SCAPER: variants seen among roughly 807,000 people sequenced by gnomAD.
The protein encoded by SCAPER is S-phase cyclin A associated protein in the ER, also known as S phase cyclin A-associated protein in the endoplasmic reticulum.
Under a neutral mutation model 182.2 loss-of-function variants are expected in SCAPER, and 98 were observed. The observed-to-expected ratio is 0.54, with a 90% CI of 0.46 to 0.64. The LOEUF is 0.64. SCAPER is among the 30% of genes least tolerant of loss of function. SCAPER has a pLI of 0.00. For synonymous variants in SCAPER, 605 were observed against 564.6 expected (o/e 1.07, Z -1.01); for missense variants, 1,432 against 1,690.0 (o/e 0.85, Z 2.68).
chr15:76,683,876 G>A (rs1421284495), intron 20 of SCAPER, among the ~76,000 whole-genome samples: 1 of 152,114 alleles, frequency 6.6e-6, no homozygotes, highest in East Asian at 1.9e-4. Context: ...GAGGCAGGAG[G>A]ACTGACTGAG....
At position 76,733,390 on chromosome 15, in the gene SCAPER, A is replaced by C. The variant is rs566446208; in HGVS notation, c.1867-6T>G. On this transcript the variant is annotated splice_polypyrimidine_tract_variant and splice_region_variant and intron_variant, in intron 15 of 31. Coordinates refer to ENST00000563290, the MANE Select transcript of SCAPER (RefSeq NM_020843.4). Reference sequence around the variant, plus strand: ...ATAAAGGCAATTTCATTTACCTTTAAAAAAACAAAGAAGGTAAGGTTCAGA... The same window carrying C: ...ATAAAGGCAATTTCATTTACCTTTACAAAAACAAAGAAGGTAAGGTTCAGA... 1.2e-6 allele frequency: 2 copies of C among 1,610,544 alleles called. No individual in the cohort carries two copies. Among genetic ancestry groups the C allele is most frequent in the East Asian group, 4.5e-5 (2 of 44,828 alleles).
chr15:76,437,129 A>G (rs114584704), intron 25 of SCAPER, among the ~76,000 whole-genome samples: 1,623 of 152,262 alleles, frequency 0.011, 38 homozygotes, highest in African/African-American at 0.037. Flanking sequence ...GGGCAATGGC[A>G]GTCACTTGGC....
intron 10 of SCAPER, among the ~76,000 whole-genome samples, chr15:76,770,770 C>T (rs747996726): frequency 1.3e-5 from 2 of 152,076 alleles, no homozygotes; most frequent in Middle Eastern, 3.4e-3. Flanking sequence ...TGACCAAATT[C>T]CACCCCATAC....
intron 29 of SCAPER, among the ~76,000 whole-genome samples, chr15:76,363,243 GA>G (rs1221366527): frequency 6.6e-6 from 1 of 152,178 alleles, no homozygotes; most frequent in Non-Finnish European, 1.5e-5. Flanking sequence ...ACAGTGCCTG[GA>G]AAACAACAGG....
intron 23 of SCAPER, among the ~76,000 whole-genome samples, chr15:76,521,527 A>G (rs1406795934): frequency 1.3e-5 from 2 of 152,186 alleles, no homozygotes; most frequent in Non-Finnish European, 2.9e-5. Flanking sequence ...AAGAAGAGTT[A>G]GCCCTTCATA....
chr15:76,652,268 AAAAAAATAT>A (rs1261631778), intron 21 of SCAPER, among the ~76,000 whole-genome samples: 1 of 18,356 alleles, frequency 5.4e-5, no homozygotes, highest in African/African-American at 2.2e-4. Context: ...AAAAAAAAAA[AAAAAAATAT>A]ATATATATAT....
At chr15:76,804,977 G>A (rs1168066946) in intron 5 of SCAPER, among the ~76,000 whole-genome samples, 3 of 152,132 alleles carry the variant, frequency 2.0e-5, no homozygotes, top group Non-Finnish European at 4.4e-5. Flanking sequence ...CAGAGGCTGA[G>A]GCAGGAGAAT....
intron 5 of SCAPER, among the ~76,000 whole-genome samples, chr15:76,820,729 TA>T (rs1243006776): frequency 6.7e-6 from 1 of 149,822 alleles, no homozygotes; most frequent in East Asian, 1.9e-4. Flanking sequence ...CCCTAAAACT[TA>T]AAGTATAATA....
At chr15:76,807,239 G>C (rs1018868931) in intron 5 of SCAPER, among the ~76,000 whole-genome samples, 1 of 152,122 alleles carries the variant, frequency 6.6e-6, no homozygotes, top group Non-Finnish European at 1.5e-5. Flanking sequence ...TTTCCCTATT[G>C]AATGTTTTTA....
chr15:76,571,040 C>T (rs572269134), intron 23 of SCAPER, among the ~76,000 whole-genome samples: 7 of 151,992 alleles, frequency 4.6e-5, no homozygotes, highest in African/African-American at 1.2e-4. Context: ...AAAGGAAAAT[C>T]GGAAAAATCT....
chr15:76,404,484 C>G (rs771227102), intron 27 of SCAPER, 40 bp downstream of exon 27: 3 of 1,544,984 alleles, frequency 1.9e-6, no homozygotes, highest in Admixed American at 1.8e-5. Context: ...AGAGATGTTC[C>G]AAAAGTTGAG....
intron 29 of SCAPER, among the ~76,000 whole-genome samples, chr15:76,373,075 T>C (rs1439963160): frequency 2.0e-5 from 3 of 149,104 alleles, no homozygotes; most frequent in Non-Finnish European, 3.0e-5. Flanking sequence ...TGAGACAGAG[T>C]CTCGCTCTGT....
Position 76,765,320 on chromosome 15 carries a change from A to T in SCAPER, c.1613+17T>A. ...CCTTGCTGTGAACCATTTCAAATTAATTTTCAAATGCCAGACCTTTTACGA... is the reference window on the plus strand; with the variant it reads ...CCTTGCTGTGAACCATTTCAAATTATTTTTCAAATGCCAGACCTTTTACGA... On this transcript the variant is annotated intron_variant, in intron 13 of 31. Coordinates refer to ENST00000563290, the MANE Select transcript of SCAPER (RefSeq NM_020843.4). 1 of 1,587,532 alleles carries T rather than the reference A, an allele frequency of 6.3e-7. No homozygotes were observed. The highest frequency in any genetic ancestry group is 8.6e-7 in the Non-Finnish European group (1 of 1,160,270).
chr15:76,726,156 A>ATAT (rs56986282), intron 17 of SCAPER, among the ~76,000 whole-genome samples: 8,232 of 79,562 alleles, frequency 0.1, 1,054 homozygotes, highest in East Asian at 0.14. Flanking sequence ...TATATATATA[A>ATAT]AAAACTCTAT....
intron 24 of SCAPER, among the ~76,000 whole-genome samples, chr15:76,481,342 T>C (rs904056672): frequency 1.3e-5 from 2 of 152,210 alleles, no homozygotes; most frequent in African/African-American, 4.8e-5. Context: ...CATAATCTAC[T>C]GATTCTGCGT....
intron 27 of SCAPER, among the ~76,000 whole-genome samples, chr15:76,392,257 A>G (rs1282919477): frequency 6.6e-6 from 1 of 152,178 alleles, no homozygotes; most frequent in Non-Finnish European, 1.5e-5. Context: ...ATATACTTCT[A>G]TAAGCTATCT....
chr15:76,514,737 T>C (rs151259899), intron 23 of SCAPER, among the ~76,000 whole-genome samples: 1 of 152,350 alleles, frequency 6.6e-6, no homozygotes, highest in East Asian at 1.9e-4. Flanking sequence ...CTCAGTAGCC[T>C]AATTTATAGA....
Position 76,720,801 on chromosome 15 carries a change from G to C in SCAPER, c.2165+7794C>G, listed in dbSNP as rs200065552. Among the ~76,000 whole-genome samples, 16 of 152,230 alleles carry C rather than the reference G, an allele frequency of 1.1e-4. No homozygotes were observed. In the East Asian group the frequency reaches 2.7e-3, roughly 26 times the overall value. Reference sequence around the variant, plus strand: ...GTTTTTTTCCTGTAAATTTGTTTGAGTTCATTGTAGATTCTGGATATTAGC... The same window carrying C: ...GTTTTTTTCCTGTAAATTTGTTTGACTTCATTGTAGATTCTGGATATTAGC... On this transcript the variant is annotated intron_variant, in intron 17 of 31. Transcript: ENST00000563290.
At chr15:76,378,867 C>T (rs980020210) in intron 28 of SCAPER, among the ~76,000 whole-genome samples, 6 of 152,120 alleles carry the variant, frequency 3.9e-5, no homozygotes. Flanking sequence ...GCTCTGGCCA[C>T]CAGTCCTAGG....
Sources: allele counts gnomAD v4.1 joint callset (sites outside exome capture counted in the v4.1 genomes callset), GRCh38; gene constraint gnomAD v4.1.1; transcripts MANE v1.5; gene names NCBI Gene and HGNC (gene_info 2026-07-23, HGNC 2026-07-21).